Variants in EPHA4 observed in about 807,000 individuals in gnomAD.
The protein encoded by EPHA4 is EPH receptor A4.
Under a neutral mutation model 108.3 loss-of-function variants are expected in EPHA4, and 19 were observed. The observed-to-expected ratio is 0.18, with a 90% confidence interval of 0.12 to 0.26. The LOEUF (loss-of-function observed/expected upper bound fraction) is 0.26. Among genes scored for constraint, EPHA4 ranks in the 10% least tolerant of loss-of-function variants. The probability of loss-of-function intolerance (pLI) is 1.00; values close to 1 mark genes in which losing one functional copy is unlikely to be tolerated. For missense variants in EPHA4, 917 were observed against 1,254.0 expected (o/e 0.73, Z 4.06); for synonymous variants, 449 against 455.5 (o/e 0.99, Z 0.18).
At chr2:221,438,832 G>A (rs2106101601) in intron 11 of EPHA4, among the ~76,000 whole-genome samples, 1 of 152,222 alleles carries the variant, frequency 6.6e-6, no homozygotes, top group Admixed American at 6.5e-5. Context: ...TGCATTGGCT[G>A]ATTATTTAGA....
At chr2:221,474,176 G>T (rs538966135) in intron 5 of EPHA4, among the ~76,000 whole-genome samples, 2 of 152,136 alleles carry the variant, frequency 1.3e-5, no homozygotes, top group Non-Finnish European at 2.9e-5. Flanking sequence ...GGATAATTTA[G>T]TAGGCTCTTT....
chr2:221,482,659 T>C lies in EPHA4; in HGVS notation c.1011A>G (p.Ser337=). Residue 337 remains serine, a synonymous_variant, in exon 5 of 18, where the codon TCA becomes TCG. Transcript: ENST00000281821. The part of the protein sequence containing the change: ...RPPSAPLNLI[S]NVNETSVNLE... The stretch of plus-strand genomic sequence containing the variant: ...AGTTCACAGATGTCTCGTTGACATT[T>C]GAAATCAAGTTCAGGGGAGCAGATG... 2 of 1,601,334 alleles carry C rather than the reference T, an allele frequency of 1.2e-6. No homozygotes were observed. The highest frequency in any genetic ancestry group is 1.7e-6 in the Non-Finnish European group (2 of 1,169,314).
chr2:221,430,788 T>A (rs1197225886), intron 14 of EPHA4, among the ~76,000 whole-genome samples: 1 of 152,186 alleles, frequency 6.6e-6, no homozygotes, highest in African/African-American at 2.4e-5. Context: ...GTAAGTAGAT[T>A]TTTTTTAAAA....
chr2:221,540,026 C>T (rs1693786656), intron 3 of EPHA4, among the ~76,000 whole-genome samples: 1 of 152,088 alleles, frequency 6.6e-6, no homozygotes, highest in African/African-American at 2.4e-5. Context: ...TTCAAGCAAT[C>T]CTCTCACCAC....
chr2:221,573,445 A>G (rs908313810), upstream of EPHA4: 1 of 152,088 alleles, frequency 6.6e-6, no homozygotes, highest in Non-Finnish European at 1.5e-5. The surrounding 1 kb of genome is among the most constrained non-coding windows in gnomAD (Gnocchi z 4.5). Context: ...CGGTCCGGCG[A>G]AGGCAGCGCA....
Position 221,432,818 on chromosome 2 carries a change from ATTTTTTTTTTT to A in EPHA4, c.2496+1313_2496+1323del, listed in dbSNP as rs34200694. 3.4e-5 allele frequency among the ~76,000 whole-genome samples: 3 copies of A among 89,110 alleles called. No individual in the cohort carries two copies. In the South Asian group the frequency reaches 1.1e-3, roughly 34 times the overall value. 58.5% of individuals were successfully genotyped at this position (89,110 alleles called of 152,430 possible). A position where few individuals can be genotyped will look rare whatever the true frequency, so the allele number is the denominator to read the frequency against. On this transcript the variant is annotated intron_variant, in intron 14 of 17. Coordinates refer to ENST00000281821, the MANE Select transcript of EPHA4 (RefSeq NM_004438.5). ...ACCACCACGCCCAGCAAATCTTTGT[ATTTTTTTTTTT>A]TTTTTTTTTTTTTGAGACGGAGTCT...
chr2:221,435,304 C>T (rs1690198240), intron 13 of EPHA4, among the ~76,000 whole-genome samples: 1 of 152,176 alleles, frequency 6.6e-6, no homozygotes, highest in Non-Finnish European at 1.5e-5. Context: ...GTAAATGTAT[C>T]ATTCTAGAAG....
chr2:221,572,389 C>T, upstream of EPHA4: 2 of 675,760 alleles, frequency 3.0e-6, no homozygotes, highest in Non-Finnish European at 2.4e-6. Context: ...GGGCCCGCGG[C>T]CAATGGCGGC....
chr2:221,506,281 A>T (rs1692627606), intron 3 of EPHA4, among the ~76,000 whole-genome samples: 1 of 152,200 alleles, frequency 6.6e-6, no homozygotes, highest in Non-Finnish European at 1.5e-5. Flanking sequence ...TAAATTTTTC[A>T]TTTGTTAAAC....
Position 221,458,424 on chromosome 2 carries a change from C to T in EPHA4, c.1319-434G>A, listed in dbSNP as rs114272422. Reference sequence around the variant, plus strand: ...CATCTTACTGGACTTTAATTTCATGCAAGCAAGAGAATGTACAAGTCTTCA... The same window carrying T: ...CATCTTACTGGACTTTAATTTCATGTAAGCAAGAGAATGTACAAGTCTTCA... On this transcript the variant is annotated intron_variant, in intron 5 of 17. Coordinates refer to ENST00000281821, the MANE Select transcript of EPHA4 (RefSeq NM_004438.5). 5.9e-3 allele frequency among the ~76,000 whole-genome samples: 904 copies of T among 152,248 alleles called. 9 individuals carry two copies. The highest frequency in any genetic ancestry group is 0.021 in the African/African-American group (859 of 41,522).
Position 221,456,730 on chromosome 2 carries a change from T to C in EPHA4, c.1486A>G (p.Arg496Gly). The stretch of plus-strand genomic sequence containing the variant: ...TTCAGGCCTTTGATATCTGTGTTCC[T>C]GGCAGCTGTCCGAACTATACGATAG... Reference protein sequence around the residue: ...RSYRIVRTAARNTDIKGLNPL... With the variant: ...RSYRIVRTAAGNTDIKGLNPL... The change falls in exon 7 of 18, where the codon AGG (arginine) becomes GGG (glycine). Residue 496 changes from arginine (R) to glycine (G), a missense_variant. Transcript: ENST00000281821. The C allele has an allele frequency of 3.1e-6, 5 of 1,614,028 alleles. No homozygotes were observed. Among genetic ancestry groups the C allele is most frequent in the Non-Finnish European group, 4.2e-6 (5 of 1,179,904 alleles).
chr2:221,430,172 G>A, intron 14 of EPHA4, 21 bp from the exon 15 acceptor site: 1 of 1,578,190 alleles, frequency 6.3e-7, no homozygotes, highest in Non-Finnish European at 8.6e-7. Context: ...CAACAGGATG[G>A]TATGTTAAGC....
chr2:221,429,829 A>G (rs1169764750), intron 15 of EPHA4, 129 bp downstream of exon 15: 1 of 919,510 alleles, frequency 1.1e-6, no homozygotes, highest in Non-Finnish European at 1.7e-6. Context: ...ATTGAGAAAG[A>G]AGCCACCCAG....
intron 5 of EPHA4, among the ~76,000 whole-genome samples, chr2:221,460,376 C>A (rs979087441): frequency 2.6e-5 from 4 of 152,164 alleles, no homozygotes; most frequent in Non-Finnish European, 5.9e-5. Context: ...GAGATCAATT[C>A]AACCAAGGAA....
intron 4 of EPHA4, among the ~76,000 whole-genome samples, chr2:221,491,346 C>G (rs960184152): frequency 6.6e-6 from 1 of 152,154 alleles, no homozygotes; most frequent in African/African-American, 2.4e-5. Context: ...TCTTATTTAA[C>G]AGCTGCAATC....
intron 13 of EPHA4, 132 bp downstream of exon 13, chr2:221,436,267 G>A: frequency 1.3e-6 from 1 of 756,046 alleles, no homozygotes; most frequent in Admixed American, 2.9e-5. Context: ...AATGGATGCA[G>A]GAATATGAGG....
rs1692533614 is a variant in EPHA4 at position 221,503,268 on chromosome 2, C to T, written c.824-2096G>A. On this transcript the variant is annotated intron_variant, in intron 3 of 17. Transcript: ENST00000281821. The stretch of plus-strand genomic sequence containing the variant: ...ATTACTGACTGATTCTCATGCACCC[C>T]TCAATTTCAACAAGCATCAAAAACG... 5.3e-5 allele frequency among the ~76,000 whole-genome samples: 8 copies of T among 152,278 alleles called. No individual in the cohort carries two copies. In the South Asian group the frequency reaches 1.7e-3, roughly 32 times the overall value.
At chr2:221,426,304 T>C (rs1311390428) in intron 16 of EPHA4, 160 bp downstream of exon 16, 5 of 1,024,766 alleles carry the variant, frequency 4.9e-6, no homozygotes, top group Non-Finnish European at 7.1e-6. Flanking sequence ...TGCAAGAATG[T>C]AGATACTTTA....
chr2:221,486,002 T>C (rs1417379225), intron 4 of EPHA4, among the ~76,000 whole-genome samples: 3 of 152,232 alleles, frequency 2.0e-5, no homozygotes, highest in Non-Finnish European at 2.9e-5. Flanking sequence ...GATTATTTTC[T>C]CTTTCATTTA....
Sources: gnomAD v4.1 joint callset for allele counts (sites outside exome capture counted in the v4.1 genomes callset) on GRCh38, gnomAD v4.1.1 for gene constraint, Gnocchi (gnomAD v3.1) non-coding constraint, MANE v1.5 for transcripts, NCBI Gene and HGNC (gene_info 2026-07-23, HGNC 2026-07-21) for gene names.